Variants in TLR4 observed in about 807,000 individuals in gnomAD.
TLR4 encodes toll like receptor 4.
A neutral mutation model predicts 27.4 loss-of-function variants in TLR4; 17 were observed. That is an observed-to-expected ratio of 0.62 (90% confidence interval 0.42 to 0.93). The LOEUF is 0.93. TLR4 is among the 40% of genes least tolerant of loss of function. The pLI, the probability that TLR4 is intolerant of heterozygous loss-of-function variation, is 0.00. For synonymous variants in TLR4, 363 were observed against 365.7 expected, an observed-to-expected ratio of 0.99 and a Z score of 0.08; for missense variants, 926 against 962.3, an observed-to-expected ratio of 0.96 and a Z score of 0.50.
intron 2 of TLR4, chr9:117,708,957 A>G: frequency 1.9e-6 from 1 of 513,106 alleles, no homozygotes; most frequent in Non-Finnish European, 3.5e-6. Flanking sequence ...TTCTAAGGGC[A>G]ATTCTAATTT....
rs1415983623 is a variant in TLR4 at position 117,717,731 on chromosome 9, T to C, written c.*3083T>C. Reference sequence around the variant, plus strand: ...GCATAAGTGTGTTTATTCAAGCAAATGTACAAGGCTCTGAGAAGGAAGATC... The same window carrying C: ...GCATAAGTGTGTTTATTCAAGCAAACGTACAAGGCTCTGAGAAGGAAGATC... On this transcript the variant is annotated 3_prime_UTR_variant, in exon 3 of 3. Coordinates refer to ENST00000355622, the MANE Select transcript of TLR4 (RefSeq NM_138554.5). The C allele has an allele frequency of 6.6e-6, 1 of 152,152 alleles. No homozygotes were observed. The highest frequency in any genetic ancestry group is 1.5e-5 in the Non-Finnish European group (1 of 68,026). The allele number at this position is 152,152 out of a possible 1,614,324, so 9.4% of individuals were successfully genotyped here.
rs1442084992 is a variant in TLR4, at chr9:117,707,432, C to CTA, written c.94-1129_94-1128dup. 2.0e-5 allele frequency among the ~76,000 whole-genome samples: 3 copies of CTA among 152,166 alleles called. No homozygotes were observed. The East Asian group carries it at 5.8e-4, about 29-fold the overall frequency. Reference sequence around the variant, plus strand: ...AGATGATAATAATTAATGTTGACATCTATTGATCACTTATACTGTAGCGGG... The same window carrying CTA: ...AGATGATAATAATTAATGTTGACATCTATATTGATCACTTATACTGTAGCGGG... On this transcript the variant is annotated intron_variant, in intron 1 of 2. Coordinates refer to ENST00000355622, the MANE Select transcript of TLR4 (RefSeq NM_138554.5).
Position 117,708,680 on chromosome 9 carries a change from A to G in TLR4, c.211A>G (p.Ser71Gly). The G allele has an allele frequency of 6.2e-7, 1 of 1,613,966 alleles. No homozygotes were observed. Among genetic ancestry groups the G allele is most frequent in the Non-Finnish European group, 8.5e-7 (1 of 1,179,864 alleles). ...LSFNPLRHLG[S>G]YSFFSFPELQ... is the part of the protein sequence containing the mutation. ...CTTTAATCCCCTGAGGCATTTAGGCAGCTATAGCTTCTTCAGTTTCCCAGA... is the reference window on the plus strand; with the variant it reads ...CTTTAATCCCCTGAGGCATTTAGGCGGCTATAGCTTCTTCAGTTTCCCAGA... Residue 71 changes from serine to glycine, a missense_variant, in exon 2 of 3, where the codon AGC (serine) becomes GGC (glycine). Ser to Gly is a moderately conservative substitution (Grantham distance 56, BLOSUM62 0). Coordinates refer to ENST00000355622, the MANE Select transcript of TLR4 (RefSeq NM_138554.5).
At chr9:117,708,437 G>T in intron 1 of TLR4, 126 bp from the exon 2 acceptor site, 2 of 1,575,552 alleles carry the variant, frequency 1.3e-6, no homozygotes, top group Non-Finnish European at 1.7e-6. Context: ...TGGACAGATG[G>T]ATGAAAGGTT....
chr9:117,706,043 T>G (rs2131161968), intron 1 of TLR4, among the ~76,000 whole-genome samples: 1 of 152,304 alleles, frequency 6.6e-6, no homozygotes, highest in South Asian at 2.1e-4. Context: ...AAAATTTTAA[T>G]ATATATTTAC....
rs1381729727 is a variant in TLR4 at position 117,718,269 on chromosome 9, GCAAAA to G, written c.*3624_*3628del. ...CCCAATTGCTTCATGCTTAAAGTTG[GCAAAA>G]CAGGAAGTGAAACTCCTGCAGTTTT... On this transcript the variant is annotated 3_prime_UTR_variant, in exon 3 of 3. Coordinates refer to ENST00000355622, the MANE Select transcript of TLR4 (RefSeq NM_138554.5). The G allele has an allele frequency of 6.6e-6, 1 of 152,010 alleles. No homozygotes were observed. Among genetic ancestry groups the G allele is most frequent in the Non-Finnish European group, 1.5e-5 (1 of 67,980 alleles). The allele number at this position is 152,010 out of a possible 1,614,324, so 9.4% of individuals were successfully genotyped here.
In TLR4 at chr9:117,708,743, T is replaced by C; in HGVS notation, c.260+14T>C. On this transcript the variant is annotated intron_variant, in intron 2 of 2. Coordinates refer to ENST00000355622, the MANE Select transcript of TLR4 (RefSeq NM_138554.5). ...GGATTTATCCAGGTAATGAATCCAC[T>C]TTTACATACTGCACAAGGTGAGGTG... The C allele has an allele frequency of 6.2e-7, 1 of 1,613,414 alleles. No homozygotes were observed. Among genetic ancestry groups the C allele is most frequent in the Non-Finnish European group, 8.5e-7 (1 of 1,179,596 alleles).
chr9:117,704,539 C>A lies in TLR4; in HGVS notation c.67C>A (p.Pro23Thr), dbSNP rs1191926239. The change falls in exon 1 of 3, where the codon CCA becomes ACA. Residue 23 changes from proline (P) to threonine (T), a missense_variant. By Grantham distance (38) the Pro-to-Thr change is conservative. Coordinates refer to ENST00000355622, the MANE Select transcript of TLR4 (RefSeq NM_138554.5). ...CATGGCCTTCCTCTCCTGCGTGAGA[C>A]CAGAAAGCTGGGAGCCCTGCGTGGA... ...PAMAFLSCVR[P>T]ESWEPCVEVV... 1.9e-6 allele frequency: 3 copies of A among 1,613,964 alleles called. No individual in the cohort carries two copies. The highest frequency in any genetic ancestry group is 8.5e-7 in the Non-Finnish European group (1 of 1,179,948).
rs1430731248 is a variant in TLR4, at chr9:117,724,549, C to T, written c.*9901C>T. On this transcript the variant is annotated 3_prime_UTR_variant, in exon 3 of 3. Coordinates refer to ENST00000355622, the MANE Select transcript of TLR4 (RefSeq NM_138554.5). ...GCTTCTGCATGTGACCATTAATGTG[C>T]CTGTCTTTCTTCTCATGTATTAGAG... 6.6e-6 allele frequency: 1 copy of T among 152,026 alleles called. No homozygotes were observed. The highest frequency in any genetic ancestry group is 1.5e-5 in the Non-Finnish European group (1 of 68,022). 9.4% of individuals were successfully genotyped at this position (152,026 alleles called of 1,614,324 possible).
intron 1 of TLR4, 22 bp from the exon 2 acceptor site, chr9:117,708,541 A>G (rs1829175428): frequency 1.2e-6 from 2 of 1,613,530 alleles, no homozygotes; most frequent in African/African-American, 2.7e-5. Flanking sequence ...AAGATACTTC[A>G]TGTCATGTGT....
At chr9:117,708,476 G>T in intron 1 of TLR4, 87 bp from the exon 2 acceptor site, 1 of 1,603,008 alleles carries the variant, frequency 6.2e-7, no homozygotes, top group Non-Finnish European at 8.5e-7. Flanking sequence ...CACAAAAAGA[G>T]GCCCCTCTCC....
Position 117,712,438 on chromosome 9 carries a change from C to T in TLR4, c.310C>T (p.Leu104Phe), listed in dbSNP as rs201613484. Residue 104 changes from leucine (L) to phenylalanine (F), a missense_variant, in exon 3 of 3, where the codon CTC becomes TTC. Physicochemically the swap from Leu to Phe is conservative, Grantham distance 22. Transcript: ENST00000355622. ...EDGAYQSLSHLSTLILTGNPI... is the reference protein window; with the variant it reads ...EDGAYQSLSHFSTLILTGNPI... ...TGGGGCATATCAGAGCCTAAGCCAC[C>T]TCTCTACCTTAATATTGACAGGAAA... is the stretch of plus-strand genomic sequence containing the variant. 2 of 1,613,900 alleles carry T rather than the reference C, an allele frequency of 1.2e-6. No homozygotes were observed. The highest frequency in any genetic ancestry group is 1.7e-6 in the Non-Finnish European group (2 of 1,179,904).
chr9:117,712,732 C>G lies in TLR4; in HGVS notation c.604C>G (p.Pro202Ala). The G allele has an allele frequency of 6.2e-7, 1 of 1,614,066 alleles. No homozygotes were observed. The highest frequency in any genetic ancestry group is 8.5e-7 in the Non-Finnish European group (1 of 1,180,002). Residue 202 changes from proline (P) to alanine (A), a missense_variant, in exon 3 of 3, where the codon CCC (proline) becomes GCC (alanine). Physicochemically the swap from Pro to Ala is conservative, Grantham distance 27. Transcript: ENST00000355622. Reference protein sequence around the residue: ...CTDLRVLHQMPLLNLSLDLSL... With the variant: ...CTDLRVLHQMALLNLSLDLSL... ...AGACTTGCGGGTTCTACATCAAATG[C>G]CCCTACTCAATCTCTCTTTAGACCT...
At position 117,722,212 on chromosome 9, in the gene TLR4, G is replaced by A. The variant is rs1829430850; in HGVS notation, c.*7564G>A. 1 of 152,154 alleles carries A rather than the reference G, an allele frequency of 6.6e-6. No homozygotes were observed. Among genetic ancestry groups the A allele is most frequent in the African/African-American group, 2.4e-5 (1 of 41,418 alleles). 9.4% of individuals were successfully genotyped at this position (152,154 alleles called of 1,614,324 possible). ...TTTTGCTAAGTATTCATCTTGCCTT[G>A]AGTACTAAGATTCCAAAAATGACTT... On this transcript the variant is annotated 3_prime_UTR_variant, in exon 3 of 3. Transcript: ENST00000355622.
At position 117,714,557 on chromosome 9, in the gene TLR4, G is replaced by A. The variant is rs368003192; in HGVS notation, c.2429G>A (p.Arg810Gln). ...CTGGGGCGGCACATCTTCTGGAGAC[G>A]ACTCAGAAAAGCCCTGCTGGATGGT... ...SVLGRHIFWR[R>Q]LRKALLDGKS... The change falls in exon 3 of 3, where the codon CGA (arginine) becomes CAA (glutamine). Residue 810 changes from arginine (R) to glutamine (Q), a missense_variant. By Grantham distance (43) the Arg-to-Gln change is conservative (BLOSUM62 1). Coordinates refer to ENST00000355622, the MANE Select transcript of TLR4 (RefSeq NM_138554.5). The A allele has an allele frequency of 1.1e-5, 17 of 1,613,772 alleles. No homozygotes were observed. Among genetic ancestry groups the A allele is most frequent in the African/African-American group, 2.7e-5 (2 of 74,920 alleles).
At chr9:117,709,292 A>G (rs926493105) in intron 2 of TLR4, among the ~76,000 whole-genome samples, 1 of 152,100 alleles carries the variant, frequency 6.6e-6, no homozygotes, top group African/African-American at 2.4e-5. Flanking sequence ...TATTTTTCAG[A>G]AGAGGGGCCT....
Position 117,720,105 on chromosome 9 carries a change from T to C in TLR4, c.*5457T>C, listed in dbSNP as rs1052832633. 6.6e-6 allele frequency: 1 copy of C among 152,202 alleles called. No homozygotes were observed. Among genetic ancestry groups the C allele is most frequent in the Admixed American group, 6.5e-5 (1 of 15,282 alleles). 9.4% of individuals were successfully genotyped at this position (152,202 alleles called of 1,614,324 possible). A position where few individuals can be genotyped will look rare whatever the true frequency, so the allele number is the denominator to read the frequency against. ...AGTTGTATATTATTTCATTTAATTG[T>C]TAAAATGACCTTCTGATGCAGGTAT... On this transcript the variant is annotated 3_prime_UTR_variant, in exon 3 of 3. Coordinates refer to ENST00000355622, the MANE Select transcript of TLR4 (RefSeq NM_138554.5).
Position 117,712,531 on chromosome 9 carries a change from GA to G in TLR4, c.404del (p.Glu135GlyfsTer4). On this transcript the variant is annotated frameshift_variant, in exon 3 of 3. Coordinates refer to ENST00000355622, the MANE Select transcript of TLR4 (RefSeq NM_138554.5). LOFTEE classifies it low-confidence loss of function (END_TRUNC). ...AAGTTTACAGAAGCTGGTGGCTGTG[GA>G]GACAAATCTAGCATCTCTAGAGAAC... ...LSSLQKLVAV[E>X]TNLASLENFP... 1.9e-6 allele frequency: 3 copies of G among 1,613,956 alleles called. No homozygotes were observed. Among genetic ancestry groups the G allele is most frequent in the Non-Finnish European group, 2.5e-6 (3 of 1,179,952 alleles).
chr9:117,711,294 G>A (rs1829227245), intron 2 of TLR4, among the ~76,000 whole-genome samples: 1 of 152,144 alleles, frequency 6.6e-6, no homozygotes, highest in African/African-American at 2.4e-5. Context: ...GGGGAATATT[G>A]TAAATGTAAT....
Sources: allele counts gnomAD v4.1 joint callset (sites outside exome capture counted in the v4.1 genomes callset), GRCh38; gene constraint gnomAD v4.1.1; transcripts MANE v1.5; gene names NCBI Gene and HGNC (gene_info 2026-07-23, HGNC 2026-07-21).